Variants in ZCCHC14 observed in about 807,000 individuals in gnomAD.
ZCCHC14 encodes the protein zinc finger CCHC domain-containing protein 14.
In ZCCHC14, 16 loss-of-function variants were observed where a neutral mutation model predicts 85.0. The ratio of observed to expected loss-of-function variants is 0.19; its 90% CI spans 0.13 to 0.29. The LOEUF (loss-of-function observed/expected upper bound fraction) is 0.29. ZCCHC14 is among the 10% of genes least tolerant of loss of function. The probability of loss-of-function intolerance (pLI) is 1.00; values close to 1 mark genes in which losing one functional copy is unlikely to be tolerated. For missense variants in ZCCHC14, 1,303 were observed against 1,443.5 expected (o/e 0.90, Z 1.58); for synonymous variants, 775 against 630.7 (o/e 1.23, Z -3.43).
chr16:87,450,550 TA>T (rs1306521707), intron 2 of ZCCHC14, among the ~76,000 whole-genome samples: 9 of 151,324 alleles, frequency 5.9e-5, no homozygotes, highest in Admixed American at 2.0e-4. Flanking sequence ...TGGGAAAACA[TA>T]AAGCTGATAA....
Position 87,408,351 on chromosome 16 carries a change from T to C in ZCCHC14, c.*1929A>G, listed in dbSNP as rs1476401799. ...TTAAAAGTTTGGCTTTCAGCACATATCCAGGCCACTGTAATGGCCTTCAGA... is the reference window on the plus strand; with the variant it reads ...TTAAAAGTTTGGCTTTCAGCACATACCCAGGCCACTGTAATGGCCTTCAGA... On this transcript the variant is annotated 3_prime_UTR_variant, in exon 13 of 13. Transcript: ENST00000671377. The C allele has an allele frequency of 6.6e-6, 1 of 152,556 alleles. No homozygotes were observed. The highest frequency in any genetic ancestry group is 1.5e-5 in the Non-Finnish European group (1 of 68,040). 9.5% of individuals were successfully genotyped at this position (152,556 alleles called of 1,614,324 possible).
Position 87,491,533 on chromosome 16 carries a change from T to A in ZCCHC14, c.570+136A>T, listed in dbSNP as rs1286814794. 17 of 730,322 alleles carry A rather than the reference T, an allele frequency of 2.3e-5. No individual in the cohort carries two copies. Among genetic ancestry groups the A allele is most frequent in the East Asian group, 4.0e-5 (1 of 25,242 alleles). The allele number at this position is 730,322 out of a possible 1,614,324, so 45.2% of individuals were successfully genotyped here. A position where few individuals can be genotyped will look rare whatever the true frequency, so the allele number is the denominator to read the frequency against. ...ACGGGCTGGGGGCTCGTGGTGCAGG[T>A]TGGAGACCTGGGTGGGAGCTCTCAG... On this transcript the variant is annotated intron_variant, in intron 1 of 12. Coordinates refer to ENST00000671377, the MANE Select transcript of ZCCHC14 (RefSeq NM_015144.3). This position sits in a 1 kb window ranked among gnomAD's most constrained non-coding sequence, Gnocchi z 5.9.
chr16:87,444,738 T>C (rs981443336), intron 2 of ZCCHC14, among the ~76,000 whole-genome samples: 5 of 152,128 alleles, frequency 3.3e-5, no homozygotes, highest in Non-Finnish European at 7.3e-5. Flanking sequence ...ATCCGGGTCA[T>C]GAAAGACAAG....
intron 1 of ZCCHC14, among the ~76,000 whole-genome samples, chr16:87,482,271 G>A (rs904203572): frequency 7.2e-5 from 11 of 152,088 alleles, no homozygotes; most frequent in African/African-American, 2.7e-4. Context: ...CAGTGTGACT[G>A]GCAAAACCAC....
chr16:87,417,677 G>A lies in ZCCHC14; in HGVS notation c.1166C>T (p.Pro389Leu), dbSNP rs77379365. The change falls in exon 8 of 13, where the codon CCG becomes CTG. Residue 389 changes from proline (P) to leucine (L), a missense_variant. Physicochemically the swap from Pro to Leu is moderately conservative, Grantham distance 98. Coordinates refer to ENST00000671377, the MANE Select transcript of ZCCHC14 (RefSeq NM_015144.3). ...QSGAQHHGQH[P>L]AGSAAPLPHC... ...AGGCAAGGGGGCGGCGGAGCCGGCC[G>A]GGTGCTGCCCGTGGTGCTGGGCTCC... 1,909 of 1,611,062 alleles carry A rather than the reference G, an allele frequency of 1.2e-3. 37 individuals are homozygous for A. The East Asian group carries it at 0.032, about 27-fold the overall frequency.
chr16:87,418,974 G>C (rs1318776668), intron 6 of ZCCHC14, 73 bp from the exon 7 acceptor site: 1 of 1,432,368 alleles, frequency 7.0e-7, no homozygotes, highest in Non-Finnish European at 9.5e-7. Context: ...ATTATTTTTT[G>C]AGACGGTGTT....
chr16:87,434,496 G>A (rs555630648), intron 2 of ZCCHC14, among the ~76,000 whole-genome samples: 7 of 152,356 alleles, frequency 4.6e-5, no homozygotes, highest in East Asian at 3.9e-4. Flanking sequence ...CGCGTGCGAC[G>A]GGGATGTCTG....
intron 1 of ZCCHC14, among the ~76,000 whole-genome samples, chr16:87,478,019 A>G (rs1912101330): frequency 6.6e-6 from 1 of 152,212 alleles, no homozygotes; most frequent in Non-Finnish European, 1.5e-5. Context: ...GCCCCCACGC[A>G]TCGCTCCTCC....
intron 2 of ZCCHC14, among the ~76,000 whole-genome samples, chr16:87,444,955 G>T (rs914504476): frequency 6.6e-6 from 1 of 152,144 alleles, no homozygotes; most frequent in African/African-American, 2.4e-5. Flanking sequence ...ACATGATCAC[G>T]ATTTGGGGAT....
chr16:87,452,354 A>T (rs1335306054), intron 2 of ZCCHC14, among the ~76,000 whole-genome samples: 1 of 152,238 alleles, frequency 6.6e-6, no homozygotes, highest in Non-Finnish European at 1.5e-5. Flanking sequence ...CACTGGCTGC[A>T]TGGGTGGAAA....
chr16:87,415,741 G>A (rs1308818379), intron 8 of ZCCHC14, among the ~76,000 whole-genome samples: 1 of 152,152 alleles, frequency 6.6e-6, no homozygotes, highest in African/African-American at 2.4e-5. Context: ...TAAAGAAAAC[G>A]TCTTGCATAA....
chr16:87,414,797 T>C (rs535016542), intron 9 of ZCCHC14, among the ~76,000 whole-genome samples: 3 of 152,320 alleles, frequency 2.0e-5, no homozygotes, highest in African/African-American at 4.8e-5. Flanking sequence ...AAAGCATGAC[T>C]AGGCCAGGCG....
In ZCCHC14 at chr16:87,491,981, C is replaced by T; in HGVS notation, c.258G>A (p.Lys86=). The change falls in exon 1 of 13, where the codon AAG becomes AAA. Residue 86 remains lysine (K), a synonymous_variant. Coordinates refer to ENST00000671377, the MANE Select transcript of ZCCHC14 (RefSeq NM_015144.3). This position sits in a 1 kb window ranked among gnomAD's most constrained non-coding sequence, Gnocchi z 5.9. ...TNLTDEVVRS[K]LLVSLALLGS... ...CCAGCAGCGCCAGCGACACCAGCAG[C>T]TTGCTGCGCACCACCTCGTCCGTCA... 2 of 1,400,870 alleles carry T rather than the reference C, an allele frequency of 1.4e-6. No individual in the cohort carries two copies. The highest frequency in any genetic ancestry group is 1.9e-6 in the Non-Finnish European group (2 of 1,080,814). The allele number at this position is 1,400,870 out of a possible 1,614,324, so 86.8% of individuals were successfully genotyped here.
At chr16:87,427,933 T>G (rs531069787) in intron 3 of ZCCHC14, among the ~76,000 whole-genome samples, 15 of 132,642 alleles carry the variant, frequency 1.1e-4, no homozygotes, top group African/African-American at 3.2e-4. Flanking sequence ...GCACCTGGCC[T>G]CTATGATTTT....
rs1344587446 is a variant in ZCCHC14 at position 87,417,594 on chromosome 16, T to TGTC, written c.1246_1248dup (p.Asp416dup). The TGTC allele has an allele frequency of 6.2e-7, 1 of 1,614,124 alleles. No individual in the cohort carries two copies. The highest frequency in any genetic ancestry group is 8.5e-7 in the Non-Finnish European group (1 of 1,180,040). ...GAAGGCATGAGGATGGCAGGTGATG[T>TGTC]GTCCATCTGGGTCCGGTAGGCCAGG... On this transcript the variant is annotated inframe_insertion, in exon 8 of 13. Coordinates refer to ENST00000671377, the MANE Select transcript of ZCCHC14 (RefSeq NM_015144.3).
chr16:87,424,882 T>C (rs989372420), intron 3 of ZCCHC14, among the ~76,000 whole-genome samples: 3 of 152,040 alleles, frequency 2.0e-5, no homozygotes, highest in Admixed American at 1.3e-4. Flanking sequence ...CACAAGAAGC[T>C]GGGGGATTTC....
intron 2 of ZCCHC14, among the ~76,000 whole-genome samples, chr16:87,446,844 T>C (rs1437577007): frequency 6.6e-6 from 1 of 151,960 alleles, no homozygotes; most frequent in African/African-American, 2.4e-5. Flanking sequence ...CCACCATGCC[T>C]GGCTAGTTTT....
At chr16:87,485,123 C>T (rs1380944208) in intron 1 of ZCCHC14, among the ~76,000 whole-genome samples, 1 of 152,186 alleles carries the variant, frequency 6.6e-6, no homozygotes, top group Non-Finnish European at 1.5e-5. Context: ...GTCCACAGTG[C>T]CCCTCTCTAA....
At chr16:87,446,392 G>C (rs578094740) in intron 2 of ZCCHC14, among the ~76,000 whole-genome samples, 2 of 151,216 alleles carry the variant, frequency 1.3e-5, no homozygotes, top group South Asian at 2.1e-4. Context: ...GCTGAGGTGA[G>C]AGAATCACTC....
Sources: gnomAD v4.1 joint callset for allele counts (sites outside exome capture counted in the v4.1 genomes callset) on GRCh38, gnomAD v4.1.1 for gene constraint, Gnocchi (gnomAD v3.1) non-coding constraint, MANE v1.5 for transcripts, NCBI Gene and HGNC (gene_info 2026-07-23, HGNC 2026-07-21) for gene names.